Variants in MYO5C observed in about 807,000 individuals in gnomAD.
MYO5C encodes myosin VC.
MYO5C carries 194 observed loss-of-function variants against 235.7 expected under a neutral mutation model. The observed-to-expected ratio is 0.82, with a 90% confidence interval of 0.73 to 0.93. MYO5C has a LOEUF of 0.93. MYO5C is among the 40% of genes least tolerant of loss of function. The pLI, the probability that MYO5C is intolerant of heterozygous loss-of-function variation, is 0.00. For missense variants in MYO5C, 2,038 were observed against 2,127.2 expected, an observed-to-expected ratio of 0.96 and a Z score of 0.82; for synonymous variants, 707 against 754.8, an observed-to-expected ratio of 0.94 and a Z score of 1.04.
chr15:52,204,939 C>T lies in MYO5C; in HGVS notation c.4746G>A (p.Leu1582=), dbSNP rs372896577. ...VRQAVKQLFF[L]IGAVTLNSLF... ...GGCTGTTCAGCGTGACCGCCCCGAT[C>T]AAGAAGAAGAGCTGCTTCACCGCCT... Residue 1582 remains leucine, a synonymous_variant, in exon 38 of 41, where the codon TTG becomes TTA. Coordinates refer to ENST00000261839, the MANE Select transcript of MYO5C (RefSeq NM_018728.4). 5.4e-5 allele frequency: 87 copies of T among 1,614,120 alleles called. No homozygotes were observed. Among genetic ancestry groups the T allele is most frequent in the Non-Finnish European group, 7.0e-5 (83 of 1,180,044 alleles).
intron 10 of MYO5C, 43 bp from the exon 11 acceptor site, chr15:52,256,763 G>T: frequency 7.1e-7 from 1 of 1,417,598 alleles, no homozygotes; most frequent in Admixed American, 1.7e-5. Flanking sequence ...CCTGAAGCAA[G>T]ACATATGCAT....
At chr15:52,212,900 G>A (rs1447034280) in intron 34 of MYO5C, among the ~76,000 whole-genome samples, 1 of 152,138 alleles carries the variant, frequency 6.6e-6, no homozygotes, top group Non-Finnish European at 1.5e-5. Flanking sequence ...GACAGTTTTG[G>A]CCCCCACAGG....
rs755980618 is a variant in MYO5C at position 52,242,148 on chromosome 15, C to T, written c.2456G>A (p.Arg819His). Residue 819 changes from arginine (R) to histidine (H), a missense_variant, in exon 20 of 41, where the codon CGC becomes CAC. Physicochemically the swap from Arg to His is conservative, Grantham distance 29 (BLOSUM62 0). Coordinates refer to ENST00000261839, the MANE Select transcript of MYO5C (RefSeq NM_018728.4). ...WAAIIIQKHC[R>H]GYLVRSLYQL... is the part of the protein sequence containing the mutation. ...ATACAGGCTGCGAACAAGATACCCG[C>T]GGCAGTGCTTCTGAATGATTATGGC... 6.8e-5 allele frequency: 110 copies of T among 1,614,006 alleles called. No homozygotes were observed. Among genetic ancestry groups the T allele is most frequent in the South Asian group, 3.8e-4 (35 of 91,068 alleles).
At position 52,246,953 on chromosome 15, in the gene MYO5C, C is replaced by A. The variant is rs774945164; in HGVS notation, c.1943G>T (p.Arg648Leu). Residue 648 changes from arginine (R) to leucine (L), a missense_variant, in exon 16 of 41, where the codon CGA becomes CTA. Physicochemically the swap from Arg to Leu is moderately radical, Grantham distance 102 (BLOSUM62 -2). Transcript: ENST00000261839. Reference protein sequence around the residue: ...TLNATTPHYVRCIKPNDEKLP... With the variant: ...TLNATTPHYVLCIKPNDEKLP... Reference sequence around the variant, plus strand: ...CTTCTCATCATTTGGCTTGATGCATCGAACGTAGTGGGGCGTCGTCGCATT... The same window carrying A: ...CTTCTCATCATTTGGCTTGATGCATAGAACGTAGTGGGGCGTCGTCGCATT... The A allele has an allele frequency of 1.2e-6, 2 of 1,613,920 alleles. No individual in the cohort carries two copies. Among genetic ancestry groups the A allele is most frequent in the African/African-American group, 2.7e-5 (2 of 74,894 alleles).
chr15:52,237,256 G>GA, intron 22 of MYO5C: 2 of 430,940 alleles, frequency 4.6e-6, no homozygotes, highest in Non-Finnish European at 7.9e-6. Context: ...GAAAGAAAGA[G>GA]AAAACCTATG....
Position 52,282,889 on chromosome 15 carries a change from T to G in MYO5C, c.31A>C (p.Asn11His), listed in dbSNP as rs1375173239. The part of the protein sequence containing the change: MAVAELYTQY[N>H]RVWIPDPEEV... ...TCAGGATCGGGAATCCAGACCCTGT[T>G]GTACTGACCAACAGGATGAGAAAAG... Residue 11 changes from asparagine to histidine, a missense_variant, in exon 2 of 41, where the codon AAC (asparagine) becomes CAC (histidine). Coordinates refer to ENST00000261839, the MANE Select transcript of MYO5C (RefSeq NM_018728.4). The G allele has an allele frequency of 6.2e-7, 1 of 1,603,850 alleles. No homozygotes were observed. Among genetic ancestry groups the G allele is most frequent in the Non-Finnish European group, 8.5e-7 (1 of 1,170,624 alleles).
intron 2 of MYO5C, 123 bp downstream of exon 2, chr15:52,282,655 GGTGC>G: frequency 4.5e-6 from 3 of 670,080 alleles, no homozygotes; most frequent in Non-Finnish European, 2.7e-6. Context: ...ATTTGGGAAT[GGTGC>G]TGGTGCCCAC....
intron 12 of MYO5C, among the ~76,000 whole-genome samples, chr15:52,253,092 A>C (rs1009403124): frequency 6.6e-6 from 1 of 152,232 alleles, no homozygotes; most frequent in African/African-American, 2.4e-5. Context: ...AAGTCAGGTA[A>C]AAGAGGTGGT....
At chr15:52,203,987 A>G (rs929805396) in intron 38 of MYO5C, among the ~76,000 whole-genome samples, 1 of 152,212 alleles carries the variant, frequency 6.6e-6, no homozygotes, top group Admixed American at 6.5e-5. Context: ...CCAGGTTCTC[A>G]TAACAGATAC....
At chr15:52,289,678 C>T (rs775878851) in intron 1 of MYO5C, among the ~76,000 whole-genome samples, 92 of 151,976 alleles carry the variant, frequency 6.1e-4, no homozygotes, top group Non-Finnish European at 7.4e-4. Context: ...AGGCTGAGCA[C>T]GAGGTTTCTT....
intron 11 of MYO5C, among the ~76,000 whole-genome samples, chr15:52,255,500 T>A (rs1398153702): frequency 6.6e-6 from 1 of 152,216 alleles, no homozygotes; most frequent in Non-Finnish European, 1.5e-5. Flanking sequence ...TTTCATGGCT[T>A]TTCAGAAACA....
chr15:52,287,403 C>T (rs142274120), intron 1 of MYO5C, among the ~76,000 whole-genome samples: 3 of 152,288 alleles, frequency 2.0e-5, no homozygotes, highest in Admixed American at 1.3e-4. Context: ...TTATTACTAA[C>T]GTCATGAAGC....
intron 1 of MYO5C, among the ~76,000 whole-genome samples, chr15:52,286,791 A>T (rs551302263): frequency 2.0e-5 from 3 of 152,138 alleles, no homozygotes; most frequent in South Asian, 4.1e-4. Flanking sequence ...GTACCCAGGG[A>T]CACAAACACT....
At position 52,275,693 on chromosome 15, in the gene MYO5C, C is replaced by A. The variant is rs2037032447; in HGVS notation, c.475G>T (p.Val159Leu). 3.7e-6 allele frequency: 6 copies of A among 1,614,082 alleles called. No homozygotes were observed. The highest frequency in any genetic ancestry group is 5.1e-6 in the Non-Finnish European group (6 of 1,180,052). The change falls in exon 5 of 41, where the codon GTA becomes TTA. Residue 159 changes from valine (V) to leucine (L), a missense_variant. By Grantham distance (32) the Val-to-Leu change is conservative. Coordinates refer to ENST00000261839, the MANE Select transcript of MYO5C (RefSeq NM_018728.4). ...TTTCCAGCACCTGACTCCCCACTTA[C>A]AATTATGGACTGGTTTCTGTTGTTT... ...ARNNRNQSII[V>L]SGESGAGKTV...
In MYO5C at chr15:52,253,342, A is replaced by G; in HGVS notation, c.1511T>C (p.Leu504Pro). ...CAAACATTCTTCATCCAGTAACTCC[A>G]GAATTCCCATTTTTGCTTCAATCAG... is the stretch of plus-strand genomic sequence containing the variant. ...IDLIEAKMGI[L>P]ELLDEECLLP... The change falls in exon 12 of 41, where the codon CTG becomes CCG. Residue 504 changes from leucine (L) to proline (P), a missense_variant. Coordinates refer to ENST00000261839, the MANE Select transcript of MYO5C (RefSeq NM_018728.4). 1 of 1,612,416 alleles carries G rather than the reference A, an allele frequency of 6.2e-7. No homozygotes were observed. Among genetic ancestry groups the G allele is most frequent in the Non-Finnish European group, 8.5e-7 (1 of 1,179,404 alleles).
At chr15:52,243,692 C>A (rs1449945319) in intron 19 of MYO5C, 1 of 152,334 alleles carries the variant, frequency 6.6e-6, no homozygotes, top group Non-Finnish European at 1.5e-5. Context: ...TATCTAGGGG[C>A]ACCCTGGTCT....
chr15:52,288,591 T>C lies in MYO5C; in HGVS notation c.28-5699A>G, dbSNP rs534628101. On this transcript the variant is annotated intron_variant, in intron 1 of 40. Coordinates refer to ENST00000261839, the MANE Select transcript of MYO5C (RefSeq NM_018728.4). Reference sequence around the variant, plus strand: ...CCACCCATTCATTCCTGTCCCCTCCTCCCTCACATTCCTCTACCCACAAAG... The same window carrying C: ...CCACCCATTCATTCCTGTCCCCTCCCCCCTCACATTCCTCTACCCACAAAG... Among the ~76,000 whole-genome samples, 3 of 152,294 alleles carry C rather than the reference T, an allele frequency of 2.0e-5. No individual in the cohort carries two copies. The South Asian group carries it at 6.2e-4, about 32-fold the overall frequency.
rs2037487179 is a variant in MYO5C, at chr15:52,295,642, G to A, written c.-6C>T. 3.4e-6 allele frequency: 5 copies of A among 1,469,560 alleles called. No homozygotes were observed. Among genetic ancestry groups the A allele is most frequent in the Non-Finnish European group, 4.5e-6 (5 of 1,113,812 alleles). The allele number at this position is 1,469,560 out of a possible 1,614,324, so 91.0% of individuals were successfully genotyped here. ...TACAGCTCGGCCACCGCCATGGGCAGGAGGGGCCGGGGCCAGGCCGGGGCT... is the reference window on the plus strand; with the variant it reads ...TACAGCTCGGCCACCGCCATGGGCAAGAGGGGCCGGGGCCAGGCCGGGGCT... On this transcript the variant is annotated 5_prime_UTR_variant, in exon 1 of 41. Transcript: ENST00000261839.
chr15:52,272,474 C>A (rs1052570585), intron 6 of MYO5C, 106 bp downstream of exon 6: 1 of 1,093,728 alleles, frequency 9.1e-7, no homozygotes, highest in African/African-American at 1.6e-5. Context: ...CAAGAAAACC[C>A]TACTCTTCAA....
Sources: allele counts gnomAD v4.1 joint callset (sites outside exome capture counted in the v4.1 genomes callset), GRCh38; gene constraint gnomAD v4.1.1; transcripts MANE v1.5; gene names NCBI Gene and HGNC (gene_info 2026-07-23, HGNC 2026-07-21).